Variants in ATRNL1 observed in about 807,000 individuals in gnomAD.
The protein encoded by ATRNL1 is attractin-like protein 1.
A neutral mutation model predicts 182.7 loss-of-function variants in ATRNL1; 95 were observed. The ratio of observed to expected loss-of-function variants is 0.52; its 90% CI spans 0.44 to 0.62. ATRNL1 has a LOEUF of 0.62. Among genes scored for constraint, ATRNL1 ranks in the 20% least tolerant of loss-of-function variants. The pLI, the probability that ATRNL1 is intolerant of heterozygous loss-of-function variation, is 0.00. For missense variants in ATRNL1, 1,471 were observed against 1,679.5 expected (o/e 0.88, Z 2.17); for synonymous variants, 576 against 568.3 (o/e 1.01, Z -0.19).
chr10:115,140,943 C>G (rs1845732300), intron 5 of ATRNL1, among the ~76,000 whole-genome samples: 1 of 151,996 alleles, frequency 6.6e-6, no homozygotes, highest in Non-Finnish European at 1.5e-5. Flanking sequence ...AAAGTTCTTC[C>G]TAGAAAACCC....
intron 5 of ATRNL1, among the ~76,000 whole-genome samples, chr10:115,150,805 T>C (rs1435592507): frequency 1.3e-5 from 2 of 152,202 alleles, no homozygotes; most frequent in Non-Finnish European, 1.5e-5. Flanking sequence ...ACATGTGCCA[T>C]GTTGGTGTGC....
chr10:115,924,196 G>T (rs1555119388), intron 28 of ATRNL1, among the ~76,000 whole-genome samples: 1 of 152,116 alleles, frequency 6.6e-6, no homozygotes, highest in East Asian at 1.9e-4. Flanking sequence ...CATTCTGTAG[G>T]TTGACTGTTC....
At chr10:115,501,312 C>T (rs1413177039) in intron 24 of ATRNL1, among the ~76,000 whole-genome samples, 1 of 152,084 alleles carries the variant, frequency 6.6e-6, no homozygotes, top group African/African-American at 2.4e-5. Flanking sequence ...AATTCCTCTT[C>T]TCTTGAGGTT....
At position 115,547,263 on chromosome 10, in the gene ATRNL1, A is replaced by AAT. The variant is rs386362067; in HGVS notation, c.3717-2177_3717-2176dup. Among the ~76,000 whole-genome samples the AAT allele has an allele frequency of 3.4e-3, 463 of 136,812 alleles. 12 individuals are homozygous for AAT. In the East Asian group the frequency reaches 0.041, roughly 12 times the overall value. 89.8% of individuals were successfully genotyped at this position (136,812 alleles called of 152,430 possible). ...GAGTGAGACTCCATCTCAAAAAAAA[A>AAT]ATATATATATATATATATAAATATA... On this transcript the variant is annotated intron_variant, in intron 25 of 28. Transcript: ENST00000355044.
chr10:115,650,948 C>T (rs182325543), intron 26 of ATRNL1, among the ~76,000 whole-genome samples: 13 of 152,066 alleles, frequency 8.5e-5, no homozygotes, highest in African/African-American at 2.4e-4. Context: ...TAATTTATAA[C>T]TCTGAATATA....
At position 115,165,599 on chromosome 10, in the gene ATRNL1, C is replaced by T. The variant is rs781911943; in HGVS notation, c.1046C>T (p.Ser349Leu). The T allele has an allele frequency of 6.5e-7, 1 of 1,544,682 alleles. No individual in the cohort carries two copies. Among genetic ancestry groups the T allele is most frequent in the South Asian group, 1.3e-5 (1 of 78,694 alleles). Residue 349 changes from serine (S) to leucine (L), a missense_variant, in exon 7 of 29, where the codon TCA (serine) becomes TTA (leucine). This residue lies in a region of ATRNL1 where 1,031 missense variants were observed against 1,156.0 expected (regional missense o/e 0.89). Coordinates refer to ENST00000355044, the MANE Select transcript of ATRNL1 (RefSeq NM_207303.4). ...ESSIWNVGTPSRGPLQRYGHS... is the reference protein window; with the variant it reads ...ESSIWNVGTPLRGPLQRYGHS... ...AGTATATGGAATGTAGGAACTCCATCAAGGGGACCTCTCCAGAGATATGGA... is the reference window on the plus strand; with the variant it reads ...AGTATATGGAATGTAGGAACTCCATTAAGGGGACCTCTCCAGAGATATGGA...
intron 26 of ATRNL1, among the ~76,000 whole-genome samples, chr10:115,713,247 A>G (rs1947118178): frequency 6.6e-6 from 1 of 152,184 alleles, no homozygotes; most frequent in Admixed American, 6.6e-5. Context: ...TTAGTCCTAA[A>G]TTAATTTTTA....
intron 28 of ATRNL1, among the ~76,000 whole-genome samples, chr10:115,897,910 T>C (rs1555112899): frequency 1.3e-5 from 2 of 151,982 alleles, no homozygotes; most frequent in Non-Finnish European, 1.5e-5. Context: ...ACATTAAATA[T>C]ATTCTCGTAT....
intron 24 of ATRNL1, among the ~76,000 whole-genome samples, chr10:115,506,771 C>G (rs568436135): frequency 6.6e-6 from 1 of 152,104 alleles, no homozygotes; most frequent in South Asian, 2.1e-4. Context: ...CTATTGGAGC[C>G]ATAATGTTTG....
intron 5 of ATRNL1, among the ~76,000 whole-genome samples, chr10:115,135,710 G>T (rs1453256021): frequency 1.3e-5 from 2 of 152,176 alleles, no homozygotes; most frequent in African/African-American, 2.4e-5. Context: ...GAACCAAAAA[G>T]AGCCTGCATT....
intron 19 of ATRNL1, among the ~76,000 whole-genome samples, chr10:115,377,288 G>T (rs1280038798): frequency 6.6e-6 from 1 of 152,028 alleles, no homozygotes; most frequent in East Asian, 1.9e-4. Context: ...GTCTCACGAG[G>T]TCTGATGGTA....
chr10:115,366,337 C>T (rs1857035540), intron 19 of ATRNL1, among the ~76,000 whole-genome samples: 1 of 151,458 alleles, frequency 6.6e-6, no homozygotes, highest in Admixed American at 6.6e-5. Context: ...ACTAGGATTG[C>T]AACCCCTGCC....
chr10:115,609,654 A>C (rs1403622366), intron 26 of ATRNL1, among the ~76,000 whole-genome samples: 2 of 150,932 alleles, frequency 1.3e-5, no homozygotes, highest in Non-Finnish European at 3.0e-5. Flanking sequence ...TCTCCTATTC[A>C]TTTTTTTTTA....
intron 20 of ATRNL1, among the ~76,000 whole-genome samples, chr10:115,414,132 A>AAG (rs1269564379): frequency 2.0e-5 from 3 of 152,050 alleles, no homozygotes; most frequent in Non-Finnish European, 4.4e-5. Context: ...TGTTTGCTCA[A>AAG]TTCTATATTG....
chr10:115,922,987 C>T (rs1351679187), intron 28 of ATRNL1, among the ~76,000 whole-genome samples: 3 of 151,996 alleles, frequency 2.0e-5, no homozygotes, highest in Non-Finnish European at 2.9e-5. Flanking sequence ...TTTAGCCCAC[C>T]GTAAAGGAAT....
rs572743389 is a variant in ATRNL1 at position 115,856,428 on chromosome 10, C to CAAAAAAAAAAAAAAAAAAAAAAAAAA, written c.4018+8459_4018+8460insAAAAAAAAAAAAAAAAAAAAAAAAAA. On this transcript the variant is annotated intron_variant, in intron 28 of 28. Coordinates refer to ENST00000355044, the MANE Select transcript of ATRNL1 (RefSeq NM_207303.4). ...GGGCAACAAGAGCGAAGCTCCATCTCAAAAAAAAAAAAAAAAAAAAAAGCC... is the reference window on the plus strand; with the variant it reads ...GGGCAACAAGAGCGAAGCTCCATCTCAAAAAAAAAAAAAAAAAAAAAAAAAAAAAAAAAAAAAAAAAAAAAAAAGCC... 2.4e-3 allele frequency among the ~76,000 whole-genome samples: 55 copies of CAAAAAAAAAAAAAAAAAAAAAAAAAA among 22,534 alleles called. 20 individuals are homozygous for CAAAAAAAAAAAAAAAAAAAAAAAAAA. Among genetic ancestry groups the CAAAAAAAAAAAAAAAAAAAAAAAAAA allele is most frequent in the Non-Finnish European group, 3.5e-3 (43 of 12,134 alleles). The allele number at this position is 22,534 out of a possible 152,430, so 14.8% of individuals were successfully genotyped here.
rs561402224 is a variant in ATRNL1 at position 115,783,291 on chromosome 10, C to A, written c.3903+55936C>A. ...GTATTAAGGGCAGGTAGTAAAGAGA[C>A]CAAAAAATGCTTTTAATGTTCTAAA... On this transcript the variant is annotated intron_variant, in intron 27 of 28. Transcript: ENST00000355044. Among the ~76,000 whole-genome samples the A allele has an allele frequency of 1.1e-4, 17 of 151,552 alleles. No homozygotes were observed. The South Asian group carries it at 2.5e-3, about 22-fold the overall frequency.
At chr10:115,399,311 T>G (rs1471652757) in intron 20 of ATRNL1, among the ~76,000 whole-genome samples, 4 of 152,012 alleles carry the variant, frequency 2.6e-5, no homozygotes, top group Non-Finnish European at 5.9e-5. Flanking sequence ...TGTCCTGGGT[T>G]TCTTTGGTTG....
chr10:115,211,273 T>A lies in ATRNL1; in HGVS notation c.1349-4424T>A, dbSNP rs1849014548. Among the ~76,000 whole-genome samples, 3 of 151,782 alleles carry A rather than the reference T, an allele frequency of 2.0e-5. No individual in the cohort carries two copies. In the South Asian group the frequency reaches 6.2e-4, roughly 31 times the overall value. On this transcript the variant is annotated intron_variant, in intron 8 of 28. Coordinates refer to ENST00000355044, the MANE Select transcript of ATRNL1 (RefSeq NM_207303.4). ...TTTTTTTTTTAATTTAAGAATTTTT[T>A]CCCTCTTAATTCCTGAAGGATAGTT...
Sources: gnomAD v4.1 joint callset for allele counts (sites outside exome capture counted in the v4.1 genomes callset) on GRCh38, gnomAD v4.1.1 for gene constraint, gnomAD v4.1.1 regional missense constraint, MANE v1.5 for transcripts, NCBI Gene and HGNC (gene_info 2026-07-23, HGNC 2026-07-21) for gene names.